The following NLRP5 variants were observed in gnomAD, a reference collection of about 807,000 sequenced individuals.
The protein encoded by NLRP5 is NLR family pyrin domain containing 5.
In NLRP5, 93 loss-of-function variants were observed where a neutral mutation model predicts 113.1. The ratio of observed to expected loss-of-function variants is 0.82; its 90% CI spans 0.70 to 0.98. The LOEUF (loss-of-function observed/expected upper bound fraction) is 0.98, where lower values mean the gene tolerates loss of function less well. Ranked by LOEUF, NLRP5 falls within the 50% of genes least tolerant of loss-of-function variation. The pLI is 0.00. For synonymous variants in NLRP5, 751 were observed against 600.7 expected (o/e 1.25, Z -3.66); for missense variants, 1,808 against 1,514.3 (o/e 1.19, Z -3.22).
chr19:56,035,902 C>G (rs887640122), intron 9 of NLRP5, among the ~76,000 whole-genome samples: 3 of 152,080 alleles, frequency 2.0e-5, no homozygotes, highest in Non-Finnish European at 4.4e-5. Context: ...TTCCTTTATT[C>G]AATAACGACA....
At chr19:56,042,829 T>C (rs962531295) in intron 11 of NLRP5, among the ~76,000 whole-genome samples, 3 of 152,244 alleles carry the variant, frequency 2.0e-5, no homozygotes, top group African/African-American at 7.2e-5. Flanking sequence ...AGCTCCCACA[T>C]ATCAGTGAAA....
At position 56,033,759 on chromosome 19, in the gene NLRP5, G is replaced by A. The variant is rs562681221; in HGVS notation, c.2615+50G>A. 8 of 1,496,514 alleles carry A rather than the reference G, an allele frequency of 5.3e-6. No individual in the cohort carries two copies. In the South Asian group the frequency reaches 9.9e-5, roughly 19 times the overall value. The allele number at this position is 1,496,514 out of a possible 1,614,324, so 92.7% of individuals were successfully genotyped here. ...CTTGTTTTTCTTCGTTTTTACTTGT[G>A]TTTGAAATGATTACATAAAGTGGCA... On this transcript the variant is annotated intron_variant, in intron 9 of 14. Transcript: ENST00000390649.
At chr19:56,031,445 A>AT (rs1983109935) in intron 7 of NLRP5, among the ~76,000 whole-genome samples, 1 of 151,974 alleles carries the variant, frequency 6.6e-6, no homozygotes, top group South Asian at 2.1e-4. Context: ...CCTGGCCAAC[A>AT]TGGTGAAACC....
chr19:56,003,636 A>G (rs1355040259), intron 1 of NLRP5, 100 bp from the exon 2 acceptor site: 2 of 1,394,172 alleles, frequency 1.4e-6, no homozygotes, highest in East Asian at 4.6e-5. Flanking sequence ...AAGAATTGAA[A>G]AGAGAAGGCC....
intron 7 of NLRP5, among the ~76,000 whole-genome samples, chr19:56,030,151 C>A (rs1182076593): frequency 6.0e-5 from 9 of 151,044 alleles, no homozygotes; most frequent in Non-Finnish European, 1.3e-4. Context: ...AGGTGGATCA[C>A]ACTAGGTCAG....
chr19:56,023,244 G>A (rs1409573272), intron 6 of NLRP5, among the ~76,000 whole-genome samples: 1 of 152,166 alleles, frequency 6.6e-6, no homozygotes, highest in Non-Finnish European at 1.5e-5. Flanking sequence ...GCTTCCTGGG[G>A]TTTCCCTCCC....
upstream of NLRP5, among the ~76,000 whole-genome samples, chr19:55,998,716 A>ATATATATATATATGTGTG (rs1981465013): frequency 3.2e-5 from 4 of 123,180 alleles, no homozygotes; most frequent in Admixed American, 8.5e-5. Flanking sequence ...GTGTGTGTGT[A>ATATATATATATATGTGTG]TATATATATA....
intron 7 of NLRP5, 99 bp downstream of exon 7, chr19:56,028,608 G>T (rs1242947217): frequency 8.3e-7 from 1 of 1,198,898 alleles, no homozygotes; most frequent in Non-Finnish European, 1.2e-6. Flanking sequence ...AGGTCCCAGA[G>T]AATTCTTTCA....
chr19:56,032,553 C>T (rs889024803), intron 7 of NLRP5, 58 bp from the exon 8 acceptor site: 19 of 1,515,044 alleles, frequency 1.3e-5, no homozygotes, highest in Admixed American at 1.1e-4. Context: ...CGTGTTGCCA[C>T]GACTGCTCAT....
intron 11 of NLRP5, among the ~76,000 whole-genome samples, chr19:56,043,542 CTTTTTTTTTTTTTTTTTTT>C (rs369622191): frequency 7.5e-4 from 70 of 92,918 alleles, no homozygotes; most frequent in East Asian, 2.8e-3. Context: ...CTCTGCTATT[CTTTTTTTTTTTTTTTTTTT>C]TTTTTTTTTT....
In NLRP5 at chr19:56,003,706, C is replaced by G; in HGVS notation, c.63-10C>G. 6.4e-7 allele frequency: 1 copy of G among 1,570,960 alleles called. No individual in the cohort carries two copies. The highest frequency in any genetic ancestry group is 8.6e-7 in the Non-Finnish European group (1 of 1,160,578). On this transcript the variant is annotated splice_polypyrimidine_tract_variant and intron_variant, in intron 1 of 14. Coordinates refer to ENST00000390649, the MANE Select transcript of NLRP5 (RefSeq NM_153447.4). ...CTACTTGAGAATTTGCTGCAAGATC[C>G]TCTTTTAAGTCTTGTCACTCTTTCC...
At chr19:55,990,081 T>TTTCTTTTC in the NLRP5 span, among the ~76,000 whole-genome samples, 3 of 15,472 alleles carry the variant, frequency 1.9e-4, no homozygotes, top group African/African-American at 1.1e-3. Context: ...TCTTTTTTCT[T>TTTCTTTTC]TTTTTTTTTT....
chr19:56,027,324 T>C lies in NLRP5; in HGVS notation c.1091T>C (p.Phe364Ser). Reference sequence around the variant, plus strand: ...AGGCTGTTGTTCATCATTGACGGTTTCGATGACCTGGGCTCTGTCCTCAAC... The same window carrying C: ...AGGCTGTTGTTCATCATTGACGGTTCCGATGACCTGGGCTCTGTCCTCAAC... The change falls in exon 7 of 15, where the codon TTC becomes TCC. Residue 364 changes from phenylalanine (F) to serine (S), a missense_variant. Transcript: ENST00000390649. 1 of 1,612,678 alleles carries C rather than the reference T, an allele frequency of 6.2e-7. No individual in the cohort carries two copies. Among genetic ancestry groups the C allele is most frequent in the African/African-American group, 1.3e-5 (1 of 75,044 alleles).
intron 3 of NLRP5, among the ~76,000 whole-genome samples, chr19:56,011,649 G>A (rs1417297800): frequency 6.6e-6 from 1 of 151,550 alleles, no homozygotes; most frequent in Non-Finnish European, 1.5e-5. Flanking sequence ...TTTCCAGACT[G>A]AGATGTCATC....
intron 11 of NLRP5, among the ~76,000 whole-genome samples, chr19:56,048,966 AT>A (rs57420626): frequency 8.3e-5 from 9 of 108,298 alleles, no homozygotes; most frequent in South Asian, 6.0e-4. Context: ...TCAAGCTCTG[AT>A]TTTTTTTTTT....
At chr19:56,023,967 C>T (rs914433209) in intron 6 of NLRP5, among the ~76,000 whole-genome samples, 18 of 152,008 alleles carry the variant, frequency 1.2e-4, no homozygotes, top group East Asian at 7.7e-4. Context: ...ATCTTTTTCA[C>T]GTTCATTGAG....
chr19:56,036,199 G>C (rs1386166311), intron 9 of NLRP5, among the ~76,000 whole-genome samples: 3 of 151,130 alleles, frequency 2.0e-5, no homozygotes, highest in Non-Finnish European at 4.4e-5. Flanking sequence ...AAGTAGCTAG[G>C]ACTACAGGCG....
At chr19:56,030,777 C>T (rs139203994) in intron 7 of NLRP5, among the ~76,000 whole-genome samples, 201 of 123,428 alleles carry the variant, frequency 1.6e-3, no homozygotes, top group Admixed American at 4.2e-3. Flanking sequence ...TGCAGTGGTG[C>T]GATCTCAGCT....
At chr19:55,990,521 T>C in the NLRP5 span, among the ~76,000 whole-genome samples, 1 of 151,960 alleles carries the variant, frequency 6.6e-6, no homozygotes, top group Non-Finnish European at 1.5e-5. Flanking sequence ...CGAAATACCC[T>C]GTCTACTAAA....
Sources: allele counts gnomAD v4.1 joint callset (sites outside exome capture counted in the v4.1 genomes callset), GRCh38; gene constraint gnomAD v4.1.1; transcripts MANE v1.5; gene names NCBI Gene and HGNC (gene_info 2026-07-23, HGNC 2026-07-21).